Variants in MLIP observed in about 807,000 individuals in gnomAD.
MLIP encodes the protein muscular LMNA-interacting protein.
In MLIP, 79 loss-of-function variants were observed where a neutral mutation model predicts 84.8. The ratio of observed to expected loss-of-function variants is 0.93; its 90% CI spans 0.78 to 1.12. The LOEUF (loss-of-function observed/expected upper bound fraction) is 1.12. Among genes scored for constraint, MLIP ranks in the 50% most tolerant of loss-of-function variants. The pLI is 0.00. For synonymous variants in MLIP, 504 were observed against 463.0 expected, an observed-to-expected ratio of 1.09 and a Z score of -1.14; for missense variants, 1,257 against 1,160.6, an observed-to-expected ratio of 1.08 and a Z score of -1.21.
intron 5 of MLIP, 138 bp downstream of exon 5, chr6:54,149,265 G>T: frequency 1.3e-6 from 1 of 766,216 alleles, no homozygotes. Context: ...AGTTTAGGAT[G>T]ATGTGGTGAA....
chr6:54,164,588 T>C (rs2150574745), intron 8 of MLIP, among the ~76,000 whole-genome samples: 1 of 152,112 alleles, frequency 6.6e-6, no homozygotes, highest in East Asian at 1.9e-4. Context: ...TTCCATCAAC[T>C]GAAAAAGTTC....
At chr6:54,074,399 A>G (rs1766666890) in intron 1 of MLIP, among the ~76,000 whole-genome samples, 1 of 150,528 alleles carries the variant, frequency 6.6e-6, no homozygotes, top group Non-Finnish European at 1.5e-5. Flanking sequence ...AATAAAATTA[A>G]CGCGATGATT....
intron 9 of MLIP, among the ~76,000 whole-genome samples, chr6:54,172,032 C>G (rs1455689982): frequency 6.6e-6 from 1 of 151,418 alleles, no homozygotes; most frequent in African/African-American, 2.4e-5. Flanking sequence ...GTTACCAACT[C>G]CTATACTACA....
intron 11 of MLIP, chr6:54,217,804 G>A (rs1289974921): frequency 2.0e-6 from 2 of 984,704 alleles, no homozygotes; most frequent in African/African-American, 1.7e-5. Flanking sequence ...TATGATCCCT[G>A]TACATCCCTC....
At chr6:54,154,304 A>T (rs1773790815) in intron 5 of MLIP, among the ~76,000 whole-genome samples, 1 of 152,176 alleles carries the variant, frequency 6.6e-6, no homozygotes. Context: ...TCAAAACAAA[A>T]ATAGCAAAGG....
At chr6:54,128,004 A>C (rs1771068334) in intron 3 of MLIP, among the ~76,000 whole-genome samples, 1 of 152,220 alleles carries the variant, frequency 6.6e-6, no homozygotes, top group Admixed American at 6.5e-5. Context: ...GTTTGGAGCT[A>C]AGATAGTGAC....
At chr6:54,242,305 A>G (rs1293642773) in intron 12 of MLIP, among the ~76,000 whole-genome samples, 1 of 152,048 alleles carries the variant, frequency 6.6e-6, no homozygotes, top group African/African-American at 2.4e-5. Context: ...TTCCTTGTTC[A>G]TTTCTTCTTC....
chr6:54,054,788 C>A (rs926120877), intron 1 of MLIP, among the ~76,000 whole-genome samples: 5 of 144,796 alleles, frequency 3.5e-5, no homozygotes, highest in Non-Finnish European at 6.3e-5. Context: ...ATTGTTCCCA[C>A]CCTTTCCTAC....
At chr6:54,085,086 T>C (rs148761370) in intron 1 of MLIP, among the ~76,000 whole-genome samples, 23 of 152,316 alleles carry the variant, frequency 1.5e-4, no homozygotes, top group African/African-American at 4.1e-4. Flanking sequence ...AGGCTTTTCA[T>C]CTTTAGCAAG....
At chr6:54,234,024 G>A (rs1781192151) in intron 12 of MLIP, among the ~76,000 whole-genome samples, 1 of 152,018 alleles carries the variant, frequency 6.6e-6, no homozygotes, top group Admixed American at 6.6e-5. Context: ...CATATCCTTT[G>A]CCCACTTTTT....
intron 9 of MLIP, among the ~76,000 whole-genome samples, chr6:54,186,630 A>C (rs1025659593): frequency 1.0e-3 from 155 of 152,316 alleles, no homozygotes; most frequent in African/African-American, 3.5e-3. Context: ...TGGTGGCGAG[A>C]GAGAGAAGTG....
chr6:54,160,469 A>G (rs1774504239), intron 6 of MLIP, 37 bp downstream of exon 6: 2 of 1,611,594 alleles, frequency 1.2e-6, no homozygotes, highest in African/African-American at 1.3e-5. Flanking sequence ...TTGGTATGCA[A>G]TTCCAAAACT....
At chr6:54,202,974 G>A (rs965887558) in intron 11 of MLIP, among the ~76,000 whole-genome samples, 2 of 152,310 alleles carry the variant, frequency 1.3e-5, no homozygotes, top group African/African-American at 2.4e-5. Flanking sequence ...GTTGACAAAA[G>A]TCCTGTTTAG....
At chr6:54,210,846 T>G (rs906244379) in intron 11 of MLIP, among the ~76,000 whole-genome samples, 1 of 152,018 alleles carries the variant, frequency 6.6e-6, no homozygotes, top group African/African-American at 2.4e-5. Context: ...AGATCTTTAA[T>G]TTTTTTTAAC....
chr6:54,027,236 A>G (rs1013339697), intron 1 of MLIP, among the ~76,000 whole-genome samples: 1 of 152,160 alleles, frequency 6.6e-6, no homozygotes, highest in Admixed American at 6.6e-5. Flanking sequence ...TCATGGGTAA[A>G]TATTGTGAAA....
chr6:54,202,463 A>AT (rs1396656685), intron 11 of MLIP, among the ~76,000 whole-genome samples: 2 of 149,606 alleles, frequency 1.3e-5, no homozygotes, highest in African/African-American at 4.9e-5. Context: ...AAGCATTTTA[A>AT]TGTGTTTTTT....
chr6:54,035,351 T>C (rs1764368321), intron 1 of MLIP, among the ~76,000 whole-genome samples: 2 of 152,208 alleles, frequency 1.3e-5, no homozygotes, highest in African/African-American at 4.8e-5. Context: ...TATCACAGTT[T>C]AATGATTTGT....
intron 4 of MLIP, among the ~76,000 whole-genome samples, chr6:54,141,027 C>T (rs567863542): frequency 1.3e-5 from 2 of 152,230 alleles, no homozygotes; most frequent in East Asian, 3.9e-4. Context: ...CAGATGGCAT[C>T]TAATTAAAAC....
intron 11 of MLIP, among the ~76,000 whole-genome samples, chr6:54,209,855 A>T (rs1779294759): frequency 6.6e-6 from 1 of 152,232 alleles, no homozygotes; most frequent in Non-Finnish European, 1.5e-5. Flanking sequence ...CTTACTTTTT[A>T]AGAATTAGAG....
Sources: gnomAD v4.1 joint callset for allele counts (sites outside exome capture counted in the v4.1 genomes callset) on GRCh38, gnomAD v4.1.1 for gene constraint, MANE v1.5 for transcripts, NCBI Gene and HGNC (gene_info 2026-07-23, HGNC 2026-07-21) for gene names.